The following DPP6 variants were observed in gnomAD, a reference collection of about 807,000 sequenced individuals.
The protein encoded by DPP6 is A-type potassium channel modulatory protein DPP6.
Under a neutral mutation model 122.6 loss-of-function variants are expected in DPP6, and 69 were observed. The ratio of observed to expected loss-of-function variants is 0.56; its 90% CI spans 0.46 to 0.69. The LOEUF (loss-of-function observed/expected upper bound fraction) is 0.69, where lower values mean the gene tolerates loss of function less well. DPP6 is among the 30% of genes least tolerant of loss of function. The pLI is 0.00. For synonymous variants in DPP6, 418 were observed against 433.1 expected (o/e 0.97, Z 0.43); for missense variants, 928 against 1,116.9 (o/e 0.83, Z 2.41).
rs1399514594 is a variant in DPP6, at chr7:154,063,281, G to A, written c.243+10218G>A. ...GGCTCTTAGGACCCCCATCGCAGAGGGGGGAGGGACCCCCCATGAGGCGGG... is the reference window on the plus strand; with the variant it reads ...GGCTCTTAGGACCCCCATCGCAGAGAGGGGAGGGACCCCCCATGAGGCGGG... On this transcript the variant is annotated intron_variant, in intron 1 of 25. Transcript: ENST00000377770. Among the ~76,000 whole-genome samples the A allele has an allele frequency of 3.2e-5, 4 of 126,606 alleles. 1 individual carries two copies. The highest frequency in any genetic ancestry group is 1.2e-4 in the African/African-American group (4 of 34,122). The allele number at this position is 126,606 out of a possible 152,430, so 83.1% of individuals were successfully genotyped here.
chr7:154,854,469 A>T (rs1460173489), intron 17 of DPP6, among the ~76,000 whole-genome samples: 2 of 151,838 alleles, frequency 1.3e-5, no homozygotes, highest in South Asian at 4.2e-4. Context: ...TGCTAAGCTG[A>T]CCTCACAAGA....
At chr7:154,108,811 A>G (rs1806350602) in intron 1 of DPP6, among the ~76,000 whole-genome samples, 1 of 152,230 alleles carries the variant, frequency 6.6e-6, no homozygotes, top group Non-Finnish European at 1.5e-5. Context: ...GTTACCACCA[A>G]CCAAGGGCAA....
intron 1 of DPP6, among the ~76,000 whole-genome samples, chr7:153,946,994 G>T (rs1183693646): frequency 6.6e-6 from 1 of 152,136 alleles, no homozygotes; most frequent in Non-Finnish European, 1.5e-5. Context: ...GCTAGTTTCA[G>T]TCCCGTCTTT....
intron 6 of DPP6, among the ~76,000 whole-genome samples, chr7:154,665,388 A>G (rs1450595805): frequency 1.3e-5 from 2 of 152,200 alleles, no homozygotes; most frequent in African/African-American, 4.8e-5. Flanking sequence ...GGGTTAATCC[A>G]GTACTAACAT....
chr7:153,858,463 A>G, the DPP6 span, among the ~76,000 whole-genome samples: 1 of 152,104 alleles, frequency 6.6e-6, no homozygotes, highest in Non-Finnish European at 1.5e-5. Flanking sequence ...CTTGTTCTTG[A>G]CTTTCCTCCT....
intron 3 of DPP6, among the ~76,000 whole-genome samples, chr7:154,482,855 T>TCGAGC (rs1302589137): frequency 6.6e-6 from 1 of 151,998 alleles, no homozygotes; most frequent in Non-Finnish European, 1.5e-5. Context: ...GAGAGCACTG[T>TCGAGC]CAAGGCTGAC....
intron 3 of DPP6, chr7:154,475,984 C>G (rs913556255): frequency 1.3e-5 from 2 of 152,226 alleles, no homozygotes; most frequent in African/African-American, 4.8e-5. Context: ...CAATTCAGTG[C>G]TCTTCCCACC....
exon 1 of DPP6, chr7:153,887,429 C>G: frequency 2.3e-6 from 1 of 437,178 alleles, no homozygotes; most frequent in Admixed American, 3.4e-5. Flanking sequence ...CACCCACCCT[C>G]CATCCAGGCT....
chr7:154,625,237 T>A (rs1834989760), intron 5 of DPP6, among the ~76,000 whole-genome samples: 2 of 152,182 alleles, frequency 1.3e-5, no homozygotes, highest in South Asian at 4.1e-4. Context: ...AACTTTAGGC[T>A]TGAAAGTCAG....
rs191007934 is a variant in DPP6, at chr7:154,686,592, C to T, written c.762+17151C>T. Among the ~76,000 whole-genome samples the T allele has an allele frequency of 1.3e-4, 20 of 152,202 alleles. No homozygotes were observed. In the East Asian group the frequency reaches 2.3e-3, roughly 18 times the overall value. On this transcript the variant is annotated intron_variant, in intron 7 of 25. Transcript: ENST00000377770. ...GTTCCATAAATGAGCTGTCAGAGCCCCAGGGCAGACACTGAACCCCAACTG... is the reference window on the plus strand; with the variant it reads ...GTTCCATAAATGAGCTGTCAGAGCCTCAGGGCAGACACTGAACCCCAACTG...
In DPP6 at chr7:154,555,390, C is replaced by T. The variant is rs537089699; in HGVS notation, c.553-11452C>T. Among the ~76,000 whole-genome samples the T allele has an allele frequency of 2.2e-3, 334 of 152,130 alleles. 3 individuals carry two copies. The highest frequency in any genetic ancestry group is 4.0e-3 in the Non-Finnish European group (269 of 68,014). The stretch of plus-strand genomic sequence containing the variant: ...GACAAAAAACCAAACACCACATGTT[C>T]TCACTCATAGGTGGGAATTGAACAA... On this transcript the variant is annotated intron_variant, in intron 4 of 25. Coordinates refer to ENST00000377770, the MANE Select transcript of DPP6 (RefSeq NM_130797.4).
intron 3 of DPP6, among the ~76,000 whole-genome samples, chr7:154,513,823 C>CA (rs1439723008): frequency 6.6e-6 from 1 of 152,202 alleles, no homozygotes; most frequent in Non-Finnish European, 1.5e-5. Flanking sequence ...CACCCAGCAG[C>CA]ACTTCTGAAT....
chr7:154,806,388 CT>C (rs1798699599), intron 15 of DPP6, among the ~76,000 whole-genome samples: 1 of 152,188 alleles, frequency 6.6e-6, no homozygotes, highest in Non-Finnish European at 1.5e-5. Context: ...TGAAATGACA[CT>C]TGACCACAGT....
intron 8 of DPP6, among the ~76,000 whole-genome samples, chr7:154,729,943 G>A (rs1842254367): frequency 6.6e-6 from 1 of 152,186 alleles, no homozygotes; most frequent in African/African-American, 2.4e-5. Context: ...CCTAGAAATG[G>A]TGTGCCCGGA....
In DPP6 at chr7:154,402,170, C is replaced by T. The variant is rs550586821; in HGVS notation, c.244-44044C>T. Among the ~76,000 whole-genome samples, 12 of 151,030 alleles carry T rather than the reference C, an allele frequency of 7.9e-5. No individual in the cohort carries two copies. The South Asian group carries it at 2.5e-3, about 32-fold the overall frequency. On this transcript the variant is annotated intron_variant, in intron 1 of 25. Coordinates refer to ENST00000377770, the MANE Select transcript of DPP6 (RefSeq NM_130797.4). ...TGGTGGGACTGTAAACTAGTTCAAC[C>T]ATTGTGGAAGTCAGTGTGGCGATTC...
At chr7:154,023,357 C>CACAT (rs1798808054) in intron 1 of DPP6, among the ~76,000 whole-genome samples, 2 of 150,970 alleles carry the variant, frequency 1.3e-5, no homozygotes, top group African/African-American at 4.9e-5. Context: ...CACACACACA[C>CACAT]ACACTTCTTA....
rs190372919 is a variant in DPP6, at chr7:154,530,559, T to G, written c.458-9973T>G. 1.4e-4 allele frequency among the ~76,000 whole-genome samples: 21 copies of G among 152,274 alleles called. No individual in the cohort carries two copies. The East Asian group carries it at 4.1e-3, about 29-fold the overall frequency. On this transcript the variant is annotated intron_variant, in intron 3 of 25. Transcript: ENST00000377770. ...CACCTTGGTGGGAATGTAAATTAGT[T>G]CAACCATTATGGAAGACAGTGTGGC...
chr7:154,769,945 C>A (rs999595138), intron 9 of DPP6, among the ~76,000 whole-genome samples: 1 of 152,158 alleles, frequency 6.6e-6, no homozygotes, highest in Admixed American at 6.5e-5. Context: ...TGCCCCTGGT[C>A]CCCTGGGTCT....
intron 1 of DPP6, among the ~76,000 whole-genome samples, chr7:153,899,284 T>C (rs1055752303): frequency 1.3e-5 from 2 of 152,146 alleles, no homozygotes; most frequent in African/African-American, 4.8e-5. Flanking sequence ...ATGTCTACCC[T>C]TGCCTTTATG....
Sources: gnomAD v4.1 joint callset for allele counts (sites outside exome capture counted in the v4.1 genomes callset) on GRCh38, gnomAD v4.1.1 for gene constraint, MANE v1.5 for transcripts, NCBI Gene and HGNC (gene_info 2026-07-23, HGNC 2026-07-21) for gene names.